The following FAAH2 variants were observed in gnomAD, a reference collection of about 807,000 sequenced individuals.
The protein encoded by FAAH2 is fatty acid amide hydrolase 2.
Under a neutral mutation model 36.9 loss-of-function variants are expected in FAAH2, and 60 were observed. The observed-to-expected ratio is 1.63, with a 90% CI of 1.32 to 2.02. FAAH2 has a LOEUF of 2.02. Ranked by LOEUF, FAAH2 falls within the 30% of genes most tolerant of loss-of-function variation. The pLI, the probability that FAAH2 is intolerant of heterozygous loss-of-function variation, is 0.00. For missense variants in FAAH2, 689 were observed against 397.5 expected, an observed-to-expected ratio of 1.73 and a Z score of -6.23; for synonymous variants, 214 against 143.8, an observed-to-expected ratio of 1.49 and a Z score of -3.49.
At chrX:57,469,908 C>G (rs1284916654) in intron 10 of FAAH2, among the ~76,000 whole-genome samples, 1 of 111,923 alleles carries the variant, frequency 8.9e-6, no homozygotes, top group African/African-American at 3.3e-5. Context: ...TCTCTTAGAT[C>G]ACAGTGCAAT....
chrX:57,248,426 G>A, the FAAH2 span, among the ~76,000 whole-genome samples: 1 of 111,650 alleles, frequency 9.0e-6, no homozygotes, highest in Non-Finnish European at 1.9e-5. Context: ...AGCTAGAATA[G>A]ATAGATAAAG....
the FAAH2 span, among the ~76,000 whole-genome samples, chrX:57,248,428 T>C: frequency 1.8e-5 from 2 of 111,732 alleles, no homozygotes; most frequent in East Asian, 5.6e-4. Flanking sequence ...CTAGAATAGA[T>C]AGATAAAGAA....
intron 10 of FAAH2, among the ~76,000 whole-genome samples, chrX:57,479,070 A>G (rs1256124776): frequency 9.0e-6 from 1 of 111,345 alleles, no homozygotes; most frequent in Non-Finnish European, 1.9e-5. Context: ...TGTATAAATG[A>G]CCTTGGGCAG....
the FAAH2 span, among the ~76,000 whole-genome samples, chrX:57,231,376 C>T: frequency 9.0e-6 from 1 of 110,920 alleles, no homozygotes; most frequent in Non-Finnish European, 1.9e-5. Context: ...TCCTTTCCCC[C>T]AGAGAAAAAT....
the FAAH2 span, among the ~76,000 whole-genome samples, chrX:57,166,546 T>C: frequency 8.9e-6 from 1 of 112,218 alleles, no homozygotes; most frequent in Non-Finnish European, 1.9e-5. Context: ...TGAAATGAGA[T>C]TAAGGGAGCT....
At chrX:57,441,068 T>C (rs1238183889) in intron 8 of FAAH2, among the ~76,000 whole-genome samples, 1 of 111,386 alleles carries the variant, frequency 9.0e-6, no homozygotes, top group Non-Finnish European at 1.9e-5. Flanking sequence ...ATTCTCTTTT[T>C]TTGTTGTTGT....
At chrX:57,425,040 A>AC (rs1287234168) in intron 7 of FAAH2, among the ~76,000 whole-genome samples, 1 of 63,310 alleles carries the variant, frequency 1.6e-5, no homozygotes, top group Non-Finnish European at 4.8e-5. Context: ...ATATTAAAAA[A>AC]CAAAAAAATC....
chrX:57,421,965 C>G (rs1355608271), intron 7 of FAAH2, among the ~76,000 whole-genome samples: 1 of 111,888 alleles, frequency 8.9e-6, no homozygotes, highest in Non-Finnish European at 1.9e-5. Flanking sequence ...CAAAGTCCTA[C>G]AAACTAAATT....
At position 57,352,041 on chromosome X, in the gene FAAH2, TATATATGTGTATATATATATATATAC is replaced by T. The variant is rs1266502517; in HGVS notation, c.742+10653_742+10678del. 1.4e-3 allele frequency among the ~76,000 whole-genome samples: 29 copies of T among 20,238 alleles called. 6 individuals carry two copies. Among genetic ancestry groups the T allele is most frequent in the Non-Finnish European group, 2.3e-3 (25 of 10,790 alleles). The allele number at this position is 20,238 out of a possible 115,157, so 17.6% of individuals were successfully genotyped here. A position where few individuals can be genotyped will look rare whatever the true frequency, so the allele number is the denominator to read the frequency against. On this transcript the variant is annotated intron_variant, in intron 5 of 10. Coordinates refer to ENST00000374900, the MANE Select transcript of FAAH2 (RefSeq NM_174912.4). ...GTGTGTATATATATATATATACATATATATATGTGTATATATATATATATACACATATATATATGTGTATATATATG... is the reference window on the plus strand; with the variant it reads ...GTGTGTATATATATATATATACATATACATATATATATGTGTATATATATG...
At chrX:57,378,883 CA>C (rs1434865760) in intron 6 of FAAH2, 97 bp downstream of exon 6, 19 of 1,024,722 alleles carry the variant, frequency 1.9e-5, no homozygotes, top group Non-Finnish European at 2.5e-5. Context: ...AGTCCTCAAG[CA>C]AATAATTTTT....
intron 4 of FAAH2, among the ~76,000 whole-genome samples, chrX:57,333,307 C>T (rs749306766): frequency 3.6e-5 from 4 of 111,590 alleles, no homozygotes; most frequent in African/African-American, 9.8e-5. Context: ...TAAAACCTCA[C>T]ATTAAAGGCC....
chrX:57,190,654 TCCAC>T, the FAAH2 span, among the ~76,000 whole-genome samples: 19 of 110,144 alleles, frequency 1.7e-4, no homozygotes, highest in African/African-American at 5.3e-4. Flanking sequence ...GGGAAGCCCC[TCCAC>T]CCGCTCCTTG....
chrX:57,447,147 G>T lies in FAAH2; in HGVS notation c.1228+108G>T, dbSNP rs917634582. 11 of 493,955 alleles carry T rather than the reference G, an allele frequency of 2.2e-5. No individual in the cohort carries two copies. In the African/African-American group the frequency reaches 2.7e-4, roughly 12 times the overall value. 40.7% of individuals were successfully genotyped at this position (493,955 alleles called of 1,213,427 possible). A position where few individuals can be genotyped will look rare whatever the true frequency, so the allele number is the denominator to read the frequency against. ...CCCCATGCAAGTCCAAAATCCAGTGGGGTACTGAAATCTTAACGCTCCAAA... is the reference window on the plus strand; with the variant it reads ...CCCCATGCAAGTCCAAAATCCAGTGTGGTACTGAAATCTTAACGCTCCAAA... On this transcript the variant is annotated intron_variant, in intron 9 of 10. Coordinates refer to ENST00000374900, the MANE Select transcript of FAAH2 (RefSeq NM_174912.4).
intron 5 of FAAH2, among the ~76,000 whole-genome samples, chrX:57,354,434 G>A (rs1351377809): frequency 1.8e-5 from 2 of 110,591 alleles, no homozygotes; most frequent in African/African-American, 6.5e-5. Context: ...AGAAGGGTGA[G>A]GCTGAGAGAG....
chrX:57,239,280 A>T, the FAAH2 span, among the ~76,000 whole-genome samples: 1 of 111,372 alleles, frequency 9.0e-6, no homozygotes, highest in Non-Finnish European at 1.9e-5. Context: ...ACTGATGTTC[A>T]TTATTGATCA....
chrX:57,437,340 A>T lies in FAAH2; in HGVS notation c.1116+5303A>T, dbSNP rs769766368. Among the ~76,000 whole-genome samples the T allele has an allele frequency of 5.7e-3, 633 of 110,923 alleles. 2 individuals carry two copies. The highest frequency in any genetic ancestry group is 9.0e-3 in the Non-Finnish European group (473 of 52,774). Reference sequence around the variant, plus strand: ...GAACAAGACAAGGATGCCCACTTTCACCACTCCTATTCAACACAGTACTGA... The same window carrying T: ...GAACAAGACAAGGATGCCCACTTTCTCCACTCCTATTCAACACAGTACTGA... On this transcript the variant is annotated intron_variant, in intron 8 of 10. Transcript: ENST00000374900.
the FAAH2 span, among the ~76,000 whole-genome samples, chrX:57,207,894 G>A: frequency 1.2e-4 from 13 of 112,845 alleles, no homozygotes; most frequent in Admixed American, 6.5e-4. Context: ...ATTGTACAGG[G>A]GTGAGGGAAT....
At chrX:57,318,581 C>A (rs918883276) in intron 3 of FAAH2, among the ~76,000 whole-genome samples, 14 of 111,850 alleles carry the variant, frequency 1.3e-4, no homozygotes, top group Admixed American at 9.5e-5. Context: ...CAGCCAAATT[C>A]TACCAGAGGT....
At chrX:57,185,636 A>G in the FAAH2 span, among the ~76,000 whole-genome samples, 11 of 109,743 alleles carry the variant, frequency 1.0e-4, no homozygotes, top group African/African-American at 3.7e-4. Context: ...GATTTACCAC[A>G]CCTATCAAAC....
Sources: allele counts gnomAD v4.1 joint callset (sites outside exome capture counted in the v4.1 genomes callset), GRCh38; gene constraint gnomAD v4.1.1; transcripts MANE v1.5; gene names NCBI Gene and HGNC (gene_info 2026-07-23, HGNC 2026-07-21).